Variants in PHC2 observed in about 807,000 individuals in gnomAD.
PHC2 encodes the protein polyhomeotic-like protein 2.
Under a neutral mutation model 87.4 loss-of-function variants are expected in PHC2, and 29 were observed. That is an observed-to-expected ratio of 0.33 (90% confidence interval 0.25 to 0.45). PHC2 has a LOEUF of 0.45. Among genes scored for constraint, PHC2 ranks in the 20% least tolerant of loss-of-function variants. The probability of loss-of-function intolerance (pLI) is 1.00; values close to 1 mark genes in which losing one functional copy is unlikely to be tolerated. For synonymous variants in PHC2, 438 were observed against 461.7 expected (o/e 0.95, Z 0.66); for missense variants, 857 against 1,136.7 (o/e 0.75, Z 3.54).
Position 33,324,078 on chromosome 1 carries a change from T to C in PHC2, c.*787A>G, listed in dbSNP as rs1646321499. The C allele has an allele frequency of 6.6e-6, 1 of 152,402 alleles. No homozygotes were observed. The highest frequency in any genetic ancestry group is 2.1e-4 in the South Asian group (1 of 4,830). 9.4% of individuals were successfully genotyped at this position (152,402 alleles called of 1,614,324 possible). On this transcript the variant is annotated 3_prime_UTR_variant, in exon 15 of 15. Transcript: ENST00000683057. The stretch of plus-strand genomic sequence containing the variant: ...GGGAACTTCACAGTGCGGGGAGGGG[T>C]GTCTGGAAAGGAAACTCTGAAGCGC...
At chr1:33,425,673 G>A (rs1446541339) in intron 1 of PHC2, among the ~76,000 whole-genome samples, 1 of 152,200 alleles carries the variant, frequency 6.6e-6, no homozygotes, top group East Asian at 1.9e-4. Flanking sequence ...TTTTAAGCTG[G>A]TAAATGTTGG....
rs1570490178 is a variant in PHC2 at position 33,367,365 on chromosome 1, T to G, written c.727A>C (p.Thr243Pro). ...PAAAASGPTP[T>P]QPVLPSLALK... ...GCCAAGCTGGGCAGGACAGGCTGAG[T>G]GGGGGTGGGGCCCGAGGCTGCTGCC... Residue 243 changes from threonine (T) to proline (P), a missense_variant, in exon 7 of 15, where the codon ACT becomes CCT. Physicochemically the swap from Thr to Pro is conservative, Grantham distance 38. Transcript: ENST00000683057. 2 of 1,608,358 alleles carry G rather than the reference T, an allele frequency of 1.2e-6. No individual in the cohort carries two copies. Among genetic ancestry groups the G allele is most frequent in the Non-Finnish European group, 1.7e-6 (2 of 1,175,996 alleles).
intron 1 of PHC2, among the ~76,000 whole-genome samples, chr1:33,426,371 G>A (rs559868059): frequency 6.6e-6 from 1 of 152,116 alleles, no homozygotes; most frequent in African/African-American, 2.4e-5. Flanking sequence ...TGGTTAAAAA[G>A]GCACCAGATG....
chr1:33,326,755 A>AG (rs1349045612), intron 14 of PHC2, among the ~76,000 whole-genome samples: 1 of 152,152 alleles, frequency 6.6e-6, no homozygotes, highest in Non-Finnish European at 1.5e-5. Context: ...GGAGTTTGAG[A>AG]CCAGCCTGCC....
chr1:33,410,825 A>G (rs1431195720), intron 1 of PHC2, among the ~76,000 whole-genome samples: 1 of 152,258 alleles, frequency 6.6e-6, no homozygotes, highest in African/African-American at 2.4e-5. Flanking sequence ...AGTAGCCATT[A>G]TAATTAAACA....
In PHC2 at chr1:33,334,301, G is replaced by C; in HGVS notation, c.1559-9C>G. The C allele has an allele frequency of 6.2e-7, 1 of 1,611,540 alleles. No individual in the cohort carries two copies. The highest frequency in any genetic ancestry group is 1.1e-5 in the South Asian group (1 of 90,834). On this transcript the variant is annotated splice_polypyrimidine_tract_variant and intron_variant, in intron 9 of 14. Coordinates refer to ENST00000683057, the MANE Select transcript of PHC2 (RefSeq NM_001385109.1). This position sits in a 1 kb window ranked among gnomAD's most constrained non-coding sequence, Gnocchi z 5.5. ...AATGCCCTGCCCTGTCTCTGCACGA[G>C]AGAGAGTAGGAAAACAAAGCAGGGG...
At chr1:33,325,201 CA>C (rs1370498510) in intron 14 of PHC2, 182 bp from the exon 15 acceptor site, 3 of 608,390 alleles carry the variant, frequency 4.9e-6, no homozygotes, top group Non-Finnish European at 8.4e-6. Context: ...CTGTGCAACT[CA>C]CCCACAGCAG....
chr1:33,375,515 G>A lies in PHC2; in HGVS notation c.25C>T (p.His9Tyr). The A allele has an allele frequency of 6.3e-7, 1 of 1,594,486 alleles. No homozygotes were observed. Among genetic ancestry groups the A allele is most frequent in the Non-Finnish European group, 8.6e-7 (1 of 1,169,558 alleles). MENELPVPHTSSSACATSS... is the reference protein window; with the variant it reads MENELPVPYTSSSACATSS... ...GTGGCACAGGCACTGCTAGATGTAT[G>A]TGGGACTGGCAGCTCATTCTCCATG... is the stretch of plus-strand genomic sequence containing the variant. The change falls in exon 2 of 15, where the codon CAT becomes TAT. Residue 9 changes from histidine (H) to tyrosine (Y), a missense_variant. Transcript: ENST00000683057.
chr1:33,356,455 G>A (rs1298935627), intron 7 of PHC2, among the ~76,000 whole-genome samples: 1 of 151,108 alleles, frequency 6.6e-6, no homozygotes, highest in Non-Finnish European at 1.5e-5. Flanking sequence ...CGCAGTGTTT[G>A]TGTCCCTGGG....
intron 9 of PHC2, chr1:33,335,169 T>G (rs920037181): frequency 1.3e-5 from 13 of 985,120 alleles, no homozygotes; most frequent in Non-Finnish European, 1.6e-5. Flanking sequence ...TACATGCCTA[T>G]ACACAACCAC....
intron 9 of PHC2, chr1:33,335,173 C>T (rs1248938404): frequency 2.0e-6 from 2 of 985,118 alleles, no homozygotes; most frequent in African/African-American, 3.5e-5. Context: ...TGCCTATACA[C>T]AACCACACGA....
At chr1:33,390,709 A>C (rs1405054602) in intron 1 of PHC2, among the ~76,000 whole-genome samples, 2 of 150,894 alleles carry the variant, frequency 1.3e-5, no homozygotes, top group Admixed American at 1.3e-4. Context: ...TTTCTCTGTA[A>C]AGGGACAGAG....
At chr1:33,408,716 C>T (rs187477045) in intron 1 of PHC2, among the ~76,000 whole-genome samples, 11 of 152,266 alleles carry the variant, frequency 7.2e-5, no homozygotes, top group East Asian at 5.8e-4. Context: ...CTGCCTGCCT[C>T]GGCCCCCCAA....
At chr1:33,404,402 T>C (rs1348981416) in intron 1 of PHC2, among the ~76,000 whole-genome samples, 1 of 152,220 alleles carries the variant, frequency 6.6e-6, no homozygotes, top group Non-Finnish European at 1.5e-5. Flanking sequence ...TTTTCCTACA[T>C]AGAGGTAGCT....
chr1:33,383,737 C>T (rs998334556), intron 1 of PHC2, among the ~76,000 whole-genome samples: 1 of 152,134 alleles, frequency 6.6e-6, no homozygotes, highest in Non-Finnish European at 1.5e-5. Flanking sequence ...TCTATGGGCC[C>T]CTAATCAAAT....
chr1:33,401,849 C>T (rs1649546792), intron 1 of PHC2, among the ~76,000 whole-genome samples: 1 of 151,970 alleles, frequency 6.6e-6, no homozygotes, highest in African/African-American at 2.4e-5. Context: ...AGCAAACCTC[C>T]CAAGTTAAAG....
At position 33,349,916 on chromosome 1, in the gene PHC2, C is replaced by G. The variant is rs1196414274; in HGVS notation, c.1558+4485G>C. 1 of 962,956 alleles carries G rather than the reference C, an allele frequency of 1.0e-6. No individual in the cohort carries two copies. The highest frequency in any genetic ancestry group is 1.2e-6 in the Non-Finnish European group (1 of 812,362). The allele number at this position is 962,956 out of a possible 1,614,324, so 59.7% of individuals were successfully genotyped here. ...AGACAATGCGGCGAGTCTGGGACGG[C>G]TCCCGCGGCCGCCTCCGCCGGGGGC... On this transcript the variant is annotated intron_variant, in intron 9 of 14. Transcript: ENST00000683057. This position sits in a 1 kb window ranked among gnomAD's most constrained non-coding sequence, Gnocchi z 4.2.
At position 33,371,039 on chromosome 1, in the gene PHC2, T is replaced by C. The variant is rs773792371; in HGVS notation, c.389A>G (p.Gln130Arg). Residue 130 changes from glutamine to arginine, a missense_variant, in exon 4 of 15, where the codon CAG becomes CGG. Transcript: ENST00000683057. ...CACCGAAGATGACTGGGCCGGGGCC[T>C]GCGCAGACACATTGCTGCCTGAAGT... ...GSTSGSNVSA[Q>R]APAQSSSINL... 30 of 1,613,960 alleles carry C rather than the reference T, an allele frequency of 1.9e-5. No individual in the cohort carries two copies. Among genetic ancestry groups the C allele is most frequent in the Non-Finnish European group, 2.5e-5 (29 of 1,179,960 alleles).
At position 33,328,451 on chromosome 1, in the gene PHC2, C is replaced by T. The variant is rs956359198; in HGVS notation, c.2425+419G>A. On this transcript the variant is annotated intron_variant, in intron 14 of 14. Coordinates refer to ENST00000683057, the MANE Select transcript of PHC2 (RefSeq NM_001385109.1). ...GGCTGTTCTCAAACTCCTGACCTCA[C>T]GCAATCCTTCCACCTCAGCCTCCCA... is the stretch of plus-strand genomic sequence containing the variant. Among the ~76,000 whole-genome samples the T allele has an allele frequency of 3.4e-5, 5 of 147,030 alleles. No homozygotes were observed. The East Asian group carries it at 8.0e-4, about 24-fold the overall frequency.
Sources: allele counts gnomAD v4.1 joint callset (sites outside exome capture counted in the v4.1 genomes callset), GRCh38; gene constraint gnomAD v4.1.1; non-coding constraint Gnocchi (gnomAD v3.1); transcripts MANE v1.5; gene names NCBI Gene and HGNC (gene_info 2026-07-23, HGNC 2026-07-21).